RUNX1T1: variants seen among roughly 807,000 people sequenced by gnomAD.
The protein encoded by RUNX1T1 is protein CBFA2T1.
A neutral mutation model predicts 62.8 loss-of-function variants in RUNX1T1; 4 were observed. The ratio of observed to expected loss-of-function variants is 0.06; its 90% CI spans 0.03 to 0.15. The LOEUF (loss-of-function observed/expected upper bound fraction) is 0.15. RUNX1T1 is among the 10% of genes least tolerant of loss of function. The pLI, the probability that RUNX1T1 is intolerant of heterozygous loss-of-function variation, is 1.00. For synonymous variants in RUNX1T1, 291 were observed against 286.0 expected, an observed-to-expected ratio of 1.02 and a Z score of -0.18; for missense variants, 508 against 754.3, an observed-to-expected ratio of 0.67 and a Z score of 3.82.
At chr8:91,995,866 T>C (rs1222580979) in intron 5 of RUNX1T1, among the ~76,000 whole-genome samples, 1 of 152,194 alleles carries the variant, frequency 6.6e-6, no homozygotes, top group African/African-American at 2.4e-5. Context: ...CTCTGGTGCT[T>C]CCTCAAATTA....
At chr8:91,974,243 G>A (rs1324956496) in intron 9 of RUNX1T1, among the ~76,000 whole-genome samples, 1 of 152,056 alleles carries the variant, frequency 6.6e-6, no homozygotes, top group South Asian at 2.1e-4. Context: ...TTGAATCTGC[G>A]TCCAATTGCT....
chr8:92,071,120 C>T (rs894672665), intron 2 of RUNX1T1: 7 of 152,200 alleles, frequency 4.6e-5, no homozygotes, highest in African/African-American at 1.7e-4. Flanking sequence ...TTCTCACCAC[C>T]TCCAGCTTCG....
chr8:91,983,493 G>T (rs370516929), intron 8 of RUNX1T1, among the ~76,000 whole-genome samples: 1 of 152,256 alleles, frequency 6.6e-6, no homozygotes, highest in East Asian at 1.9e-4. Context: ...TTGAACCAAA[G>T]ATATCTTCTA....
chr8:91,964,762 G>A (rs1294789483), intron 10 of RUNX1T1, among the ~76,000 whole-genome samples: 1 of 152,076 alleles, frequency 6.6e-6, no homozygotes. Flanking sequence ...AGGTTAGCAG[G>A]CACTTAACTC....
chr8:92,102,986 G>C (rs1004185201), upstream of RUNX1T1: 6 of 1,326,286 alleles, frequency 4.5e-6, no homozygotes, highest in African/African-American at 9.2e-5. The surrounding 1 kb of genome is among the most constrained non-coding windows in gnomAD (Gnocchi z 4.5). Context: ...CGAGGCCAGA[G>C]TGTCCGCGGC....
chr8:92,017,425 G>T (rs768248599), intron 1 of RUNX1T1, 62 bp from the exon 3 acceptor site: 1 of 1,612,240 alleles, frequency 6.2e-7, no homozygotes, highest in East Asian at 2.2e-5. Context: ...TTTCAAGTGG[G>T]GTTTATCTTT....
chr8:91,960,500 G>T (rs375854133), exon 11 of RUNX1T1: 6 of 1,613,926 alleles, frequency 3.7e-6, no homozygotes, highest in Non-Finnish European at 5.1e-6. Flanking sequence ...TCGCTTTACG[G>T]CCACAATTCC....
At chr8:92,027,870 A>T (rs1186634977) in intron 1 of RUNX1T1, among the ~76,000 whole-genome samples, 1 of 152,094 alleles carries the variant, frequency 6.6e-6, no homozygotes, top group Non-Finnish European at 1.5e-5. Context: ...CAGGGACAAC[A>T]GGAATTCCCC....
intron 4 of RUNX1T1, among the ~76,000 whole-genome samples, chr8:92,007,980 A>G (rs1490288413): frequency 6.6e-6 from 1 of 151,620 alleles, no homozygotes; most frequent in African/African-American, 2.4e-5. Context: ...AAAAAAAAAA[A>G]AAAAAAAGAA....
chr8:92,020,633 T>C (rs1823894729), intron 1 of RUNX1T1, among the ~76,000 whole-genome samples: 1 of 152,172 alleles, frequency 6.6e-6, no homozygotes, highest in Non-Finnish European at 1.5e-5. Context: ...CCTTAGCGAT[T>C]CATACTACTT....
At chr8:91,966,111 T>C (rs1019353658) in intron 10 of RUNX1T1, among the ~76,000 whole-genome samples, 1 of 148,148 alleles carries the variant, frequency 6.8e-6, no homozygotes, top group Non-Finnish European at 1.5e-5. Flanking sequence ...GGCATATATA[T>C]ATATATTTAT....
At chr8:92,077,223 T>TA (rs1329513735) in intron 1 of RUNX1T1, among the ~76,000 whole-genome samples, 2 of 152,238 alleles carry the variant, frequency 1.3e-5, no homozygotes, top group East Asian at 3.9e-4. Context: ...AAGTACTGAT[T>TA]AATTAAAATA....
intron 1 of RUNX1T1, among the ~76,000 whole-genome samples, chr8:92,079,039 T>C (rs1834846330): frequency 6.6e-6 from 1 of 152,216 alleles, no homozygotes; most frequent in Non-Finnish European, 1.5e-5. Context: ...TCCCCATTAC[T>C]GTATTTCTCA....
intron 1 of RUNX1T1, among the ~76,000 whole-genome samples, chr8:92,034,687 T>TATAC (rs1826921366): frequency 6.6e-6 from 1 of 151,520 alleles, no homozygotes; most frequent in Non-Finnish European, 1.5e-5. Context: ...TGTGTGTGTG[T>TATAC]GTGTATACAT....
At chr8:92,013,381 G>A (rs1586997678) in intron 3 of RUNX1T1, among the ~76,000 whole-genome samples, 1 of 152,114 alleles carries the variant, frequency 6.6e-6, no homozygotes, top group Non-Finnish European at 1.5e-5. Context: ...AAATTAAATT[G>A]CAAAATCTCT....
intron 2 of RUNX1T1, among the ~76,000 whole-genome samples, chr8:92,072,926 G>A (rs747973676): frequency 3.9e-5 from 6 of 152,006 alleles, no homozygotes; most frequent in African/African-American, 7.2e-5. Flanking sequence ...ATACAAATGT[G>A]GCTTTTGAAA....
At chr8:92,080,465 C>T (rs994453041) in intron 1 of RUNX1T1, among the ~76,000 whole-genome samples, 1 of 152,208 alleles carries the variant, frequency 6.6e-6, no homozygotes, top group African/African-American at 2.4e-5. Context: ...CCCTTTGTCC[C>T]ACACTGAGCA....
chr8:92,043,164 T>C (rs1011502560), intron 1 of RUNX1T1, among the ~76,000 whole-genome samples: 1 of 152,206 alleles, frequency 6.6e-6, no homozygotes, highest in Non-Finnish European at 1.5e-5. Flanking sequence ...TTCTCAGACC[T>C]CTTTGCTAGT....
At position 92,095,161 on chromosome 8, in the gene RUNX1T1, C is replaced by T. The variant is rs544878812; in HGVS notation, c.-86+4419G>A. Reference sequence around the variant, plus strand: ...CTCTGCTAATCTTTAAATGTAAATTCTCTCCGCCAGCTAAGAGGAGCGACA... The same window carrying T: ...CTCTGCTAATCTTTAAATGTAAATTTTCTCCGCCAGCTAAGAGGAGCGACA... On this transcript the variant is annotated intron_variant, in intron 1 of 11. Coordinates refer to the RUNX1T1 transcript ENST00000265814. 5.9e-6 allele frequency: 9 copies of T among 1,535,414 alleles called. No individual in the cohort carries two copies. The Admixed American group carries it at 5.9e-5, about 10-fold the overall frequency.
Sources: allele counts gnomAD v4.1 joint callset (sites outside exome capture counted in the v4.1 genomes callset), GRCh38; gene constraint gnomAD v4.1.1; non-coding constraint Gnocchi (gnomAD v3.1); transcripts MANE v1.5; gene names NCBI Gene and HGNC (gene_info 2026-07-23, HGNC 2026-07-21).